ZNF385D: variants seen among roughly 807,000 people sequenced by gnomAD.
The protein encoded by ZNF385D is zinc finger protein 659.
ZNF385D carries 15 observed loss-of-function variants against 35.8 expected under a neutral mutation model. The ratio of observed to expected loss-of-function variants is 0.42; its 90% CI spans 0.28 to 0.64. The LOEUF is 0.64. ZNF385D is among the 30% of genes least tolerant of loss of function. The pLI, the probability that ZNF385D is intolerant of heterozygous loss-of-function variation, is 0.23. For synonymous variants in ZNF385D, 212 were observed against 186.8 expected (o/e 1.13, Z -1.10); for missense variants, 474 against 494.6 (o/e 0.96, Z 0.39).
chr3:22,219,222 T>A (rs1698089596), intron 2 of ZNF385D, among the ~76,000 whole-genome samples: 1 of 152,142 alleles, frequency 6.6e-6, no homozygotes, highest in Non-Finnish European at 1.5e-5. Flanking sequence ...TCTGTAAAAA[T>A]TCCGTTTTCA....
chr3:22,245,055 G>A (rs1034018040), intron 2 of ZNF385D, among the ~76,000 whole-genome samples: 4 of 152,016 alleles, frequency 2.6e-5, no homozygotes, highest in African/African-American at 4.8e-5. Context: ...GTGAATAGAC[G>A]ATCTATGCTG....
intron 3 of ZNF385D, among the ~76,000 whole-genome samples, chr3:22,091,597 A>G (rs1480763370): frequency 6.6e-6 from 1 of 151,812 alleles, no homozygotes; most frequent in Non-Finnish European, 1.5e-5. Flanking sequence ...TAGGAAAAAA[A>G]AAGCCCTCTA....
chr3:22,033,411 T>C (rs947222654), intron 3 of ZNF385D, among the ~76,000 whole-genome samples: 50 of 126,502 alleles, frequency 4.0e-4, no homozygotes, highest in African/African-American at 1.5e-3. Flanking sequence ...AAAATAATAA[T>C]AATAATAATA....
chr3:22,067,433 C>T (rs1455865609), intron 3 of ZNF385D, among the ~76,000 whole-genome samples: 1 of 152,132 alleles, frequency 6.6e-6, no homozygotes, highest in Non-Finnish European at 1.5e-5. Flanking sequence ...TAACAGGTAA[C>T]AGATAATGAA....
intron 3 of ZNF385D, among the ~76,000 whole-genome samples, chr3:22,111,493 C>G (rs1419215808): frequency 6.6e-6 from 1 of 152,058 alleles, no homozygotes; most frequent in Non-Finnish European, 1.5e-5. Flanking sequence ...AAATGTCATT[C>G]TGTTCACACT....
At chr3:22,072,767 G>C (rs75274028) in intron 3 of ZNF385D, among the ~76,000 whole-genome samples, 4 of 151,886 alleles carry the variant, frequency 2.6e-5, no homozygotes, top group African/African-American at 9.6e-5. Flanking sequence ...TGAAGGTTGG[G>C]AGAAGGAAGG....
intron 2 of ZNF385D, among the ~76,000 whole-genome samples, chr3:22,247,361 C>T (rs1031707226): frequency 6.6e-6 from 1 of 151,866 alleles, no homozygotes; most frequent in Non-Finnish European, 1.5e-5. Context: ...GTAAATATAA[C>T]AAATTTTCAA....
intron 2 of ZNF385D, among the ~76,000 whole-genome samples, chr3:22,250,390 C>T (rs1259021766): frequency 6.6e-6 from 1 of 151,886 alleles, no homozygotes; most frequent in African/African-American, 2.4e-5. Flanking sequence ...TGTATTTCTG[C>T]TTATCAACCT....
chr3:22,315,548 T>C (rs987217178), intron 2 of ZNF385D, among the ~76,000 whole-genome samples: 8 of 152,062 alleles, frequency 5.3e-5, no homozygotes, highest in African/African-American at 1.9e-4. Context: ...AGGAGTGGCA[T>C]GGCTGGGGAA....
intron 2 of ZNF385D, among the ~76,000 whole-genome samples, chr3:21,569,501 C>G (rs2063259321): frequency 6.6e-6 from 1 of 150,826 alleles, no homozygotes; most frequent in South Asian, 2.1e-4. Context: ...ACTGATGGGT[C>G]TTGACTCTTT....
At chr3:22,120,045 G>T (rs1190826038) in intron 3 of ZNF385D, among the ~76,000 whole-genome samples, 1 of 146,678 alleles carries the variant, frequency 6.8e-6, no homozygotes, top group African/African-American at 2.5e-5. Context: ...GACCAGATTA[G>T]TCTTGAAGTC....
At chr3:21,990,315 A>G (rs1695081109) in intron 3 of ZNF385D, among the ~76,000 whole-genome samples, 1 of 152,332 alleles carries the variant, frequency 6.6e-6, no homozygotes, top group South Asian at 2.1e-4. Context: ...GGTCAACATC[A>G]GTAGTTATTT....
chr3:22,031,072 A>G (rs950481666), intron 3 of ZNF385D, among the ~76,000 whole-genome samples: 1 of 152,208 alleles, frequency 6.6e-6, no homozygotes, highest in Non-Finnish European at 1.5e-5. Context: ...TGGGCTCTCA[A>G]TGCTTTAGCA....
At chr3:21,626,538 C>T (rs1391868483) in intron 2 of ZNF385D, among the ~76,000 whole-genome samples, 1 of 152,024 alleles carries the variant, frequency 6.6e-6, no homozygotes, top group Non-Finnish European at 1.5e-5. Context: ...AGGTAGAGAT[C>T]CCCAGAGGCT....
intron 4 of ZNF385D, among the ~76,000 whole-genome samples, chr3:21,442,851 G>A (rs1701932562): frequency 6.7e-6 from 1 of 150,020 alleles, no homozygotes; most frequent in Non-Finnish European, 1.5e-5. Flanking sequence ...GTGTATGCAT[G>A]TGCATGTATG....
chr3:21,739,594 A>T (rs1017576772), intron 1 of ZNF385D, among the ~76,000 whole-genome samples: 1 of 152,174 alleles, frequency 6.6e-6, no homozygotes, highest in African/African-American at 2.4e-5. Context: ...AGCGAACAAA[A>T]AAACATTAGT....
chr3:21,661,938 T>G (rs2066250812), intron 2 of ZNF385D, among the ~76,000 whole-genome samples: 1 of 152,188 alleles, frequency 6.6e-6, no homozygotes, highest in Admixed American at 6.6e-5. Flanking sequence ...CTTATATTTT[T>G]TATACATTTT....
chr3:21,849,750 C>G (rs750715668), intron 3 of ZNF385D: 6 of 150,274 alleles, frequency 4.0e-5, no homozygotes, highest in Admixed American at 2.7e-4. Flanking sequence ...ATGTTTTTTT[C>G]TAATTGAATA....
chr3:22,155,022 C>G (rs561044882), intron 3 of ZNF385D, among the ~76,000 whole-genome samples: 96 of 152,028 alleles, frequency 6.3e-4, no homozygotes, highest in Admixed American at 1.2e-3. Flanking sequence ...TAAGGGAGAA[C>G]AGGCAGATTT....
Sources: allele counts gnomAD v4.1 joint callset (sites outside exome capture counted in the v4.1 genomes callset), GRCh38; gene constraint gnomAD v4.1.1; transcripts MANE v1.5; gene names NCBI Gene and HGNC (gene_info 2026-07-23, HGNC 2026-07-21).